The following CYP2S1 variants were observed in gnomAD, a reference collection of about 807,000 sequenced individuals.
CYP2S1 encodes cytochrome P450 2S1.
In CYP2S1, 32 loss-of-function variants were observed where a neutral mutation model predicts 43.5. The ratio of observed to expected loss-of-function variants is 0.74; its 90% CI spans 0.56 to 0.99. The LOEUF is 0.99. Ranked by LOEUF, CYP2S1 falls within the 50% of genes least tolerant of loss-of-function variation. The probability of loss-of-function intolerance (pLI) is 0.00; values close to 1 mark genes in which losing one functional copy is unlikely to be tolerated. For synonymous variants in CYP2S1, 283 were observed against 302.9 expected, an observed-to-expected ratio of 0.93 and a Z score of 0.68; for missense variants, 575 against 673.9, an observed-to-expected ratio of 0.85 and a Z score of 1.62.
At chr19:41,194,891 G>A (rs1208394473) in intron 2 of CYP2S1, among the ~76,000 whole-genome samples, 182 bp downstream of exon 2, 2 of 152,092 alleles carry the variant, frequency 1.3e-5, no homozygotes, top group African/African-American at 4.8e-5. Context: ...GGAGGTGGGT[G>A]GATCACTTGA....
rs187000776 is a variant in CYP2S1, at chr19:41,206,440, G to C, written c.1467G>C (p.Gln489His). 28 of 1,614,100 alleles carry C rather than the reference G, an allele frequency of 1.7e-5. No homozygotes were observed. In the Admixed American group the frequency reaches 4.3e-4, roughly 25 times the overall value. The change falls in exon 9 of 9, where the codon CAG (glutamine) becomes CAC (histidine). Residue 489 changes from glutamine (Q) to histidine (H), a missense_variant. Physicochemically the swap from Gln to His is conservative, Grantham distance 24. Transcript: ENST00000310054. Reference protein sequence around the residue: ...SGLFNIPPAFQLQVRPTDLHS... With the variant: ...SGLFNIPPAFHLQVRPTDLHS... ...TTTTCAACATTCCCCCAGCCTTCCA[G>C]CTGCAAGTCCGTCCCACTGACCTTC...
chr19:41,193,470 G>A (rs962846957), intron 1 of CYP2S1, 29 bp downstream of exon 1: 23 of 1,407,010 alleles, frequency 1.6e-5, no homozygotes, highest in Non-Finnish European at 2.0e-5. Flanking sequence ...GTCCTGGCTA[G>A]GGGTGGGAGG....
Position 41,193,382 on chromosome 19 carries a change from C to G in CYP2S1, c.118C>G (p.Pro40Ala). 1.3e-6 allele frequency: 2 copies of G among 1,531,936 alleles called. No homozygotes were observed. The highest frequency in any genetic ancestry group is 1.8e-6 in the Non-Finnish European group (2 of 1,138,012). The allele number at this position is 1,531,936 out of a possible 1,614,324, so 94.9% of individuals were successfully genotyped here. A position where few individuals can be genotyped will look rare whatever the true frequency, so the allele number is the denominator to read the frequency against. Reference protein sequence around the residue: ...GHLPPGPTPLPLLGNLLQLRP... With the variant: ...GHLPPGPTPLALLGNLLQLRP... ...CCTGCCCCCCGGGCCCACGCCGCTACCACTGCTGGGAAACCTCCTGCAGCT... is the reference window on the plus strand; with the variant it reads ...CCTGCCCCCCGGGCCCACGCCGCTAGCACTGCTGGGAAACCTCCTGCAGCT... Residue 40 changes from proline to alanine, a missense_variant, in exon 1 of 9, where the codon CCA (proline) becomes GCA (alanine). By Grantham distance (27) the Pro-to-Ala change is conservative (BLOSUM62 -1). Around this residue, in one of 2 missense-constraint regions of CYP2S1, gnomAD observed 353 missense variants for 367.6 expected, o/e 0.96. Coordinates refer to ENST00000310054, the MANE Select transcript of CYP2S1 (RefSeq NM_030622.8).
rs367701940 is a variant in CYP2S1 at position 41,206,429 on chromosome 19, C to T, written c.1456C>T (p.Pro486Ser). Residue 486 changes from proline to serine, a missense_variant, in exon 9 of 9, where the codon CCA (proline) becomes TCA (serine). Around this residue, in one of 2 missense-constraint regions of CYP2S1, gnomAD observed 222 missense variants for 306.3 expected, o/e 0.72. Transcript: ENST00000310054. The stretch of plus-strand genomic sequence containing the variant: ...CGTCAGTGGCCTTTTCAACATTCCC[C>T]CAGCCTTCCAGCTGCAAGTCCGTCC... ...PTVSGLFNIP[P>S]AFQLQVRPTD... 1.9e-6 allele frequency: 3 copies of T among 1,614,158 alleles called. No individual in the cohort carries two copies. Among genetic ancestry groups the T allele is most frequent in the Middle Eastern group, 1.6e-4 (1 of 6,062 alleles).
At chr19:41,204,329 T>C (rs2033533671) in intron 7 of CYP2S1, among the ~76,000 whole-genome samples, 1 of 152,186 alleles carries the variant, frequency 6.6e-6, no homozygotes, top group Non-Finnish European at 1.5e-5. Flanking sequence ...GTTTGAAAAC[T>C]GAGGAGCAAG....
At position 41,203,439 on chromosome 19, in the gene CYP2S1, C is replaced by G. The variant is rs778881197; in HGVS notation, c.977-11C>G. On this transcript the variant is annotated splice_polypyrimidine_tract_variant and intron_variant, in intron 6 of 8. Coordinates refer to ENST00000310054, the MANE Select transcript of CYP2S1 (RefSeq NM_030622.8). ...ACCCCCGTCTGACTCCTGCCCTCCT[C>G]TTGCTTGCAGAGTGGGTACGTGAGG... is the stretch of plus-strand genomic sequence containing the variant. 2 of 1,587,236 alleles carry G rather than the reference C, an allele frequency of 1.3e-6. No homozygotes were observed. Among genetic ancestry groups the G allele is most frequent in the East Asian group, 2.3e-5 (1 of 43,262 alleles).
intron 5 of CYP2S1, among the ~76,000 whole-genome samples, chr19:41,200,284 C>T (rs1182798914): frequency 1.3e-5 from 2 of 152,084 alleles, no homozygotes; most frequent in South Asian, 2.1e-4. Context: ...TACTGTTATG[C>T]AATCAGTCTC....
rs762417573 is a variant in CYP2S1 at position 41,197,775 on chromosome 19, G to A, written c.344-4G>A. ...TCCCTTTTTGAGTCTAGCCTTCTGC[G>A]CAGGGGTTTTCTTCTCCAACGGGGA... On this transcript the variant is annotated splice_region_variant and splice_polypyrimidine_tract_variant and intron_variant, in intron 2 of 8. Coordinates refer to ENST00000310054, the MANE Select transcript of CYP2S1 (RefSeq NM_030622.8). 6.8e-6 allele frequency: 11 copies of A among 1,613,802 alleles called. No individual in the cohort carries two copies. Among genetic ancestry groups the A allele is most frequent in the South Asian group, 1.1e-5 (1 of 91,080 alleles).
In CYP2S1 at chr19:41,205,956, A is replaced by G; in HGVS notation, c.1165-2A>G. The G allele has an allele frequency of 6.2e-7, 1 of 1,613,090 alleles. No homozygotes were observed. The highest frequency in any genetic ancestry group is 8.5e-7 in the Non-Finnish European group (1 of 1,179,506). ...TATAGTTTCATTATTATTTCCCCTC[A>G]GGGCACGGAGGTCTTCCCCCTCCTT... On this transcript the variant is annotated splice_acceptor_variant, in intron 7 of 8. Coordinates refer to ENST00000310054, the MANE Select transcript of CYP2S1 (RefSeq NM_030622.8). LOFTEE classifies it high-confidence loss of function.
rs751066695 is a variant in CYP2S1 at position 41,201,186 on chromosome 19, C to T, written c.835-45C>T. ...GCTTGGCTGTTCTGGACATTTACTT[C>T]CCAAAGGCTGTGTTCTCTCAGCCCC... On this transcript the variant is annotated intron_variant, in intron 5 of 8. Transcript: ENST00000310054. The T allele has an allele frequency of 1.7e-5, 28 of 1,602,718 alleles. No homozygotes were observed. In the South Asian group the frequency reaches 2.9e-4, roughly 17 times the overall value.
Position 41,198,109 on chromosome 19 carries a change from G to C in CYP2S1, c.493+181G>C, listed in dbSNP as rs961215867. ...TCTGTCTCTGTCCCACTGTCTCTCCGAGGCTGTCATGACATCTCTCTGTGT... is the reference window on the plus strand; with the variant it reads ...TCTGTCTCTGTCCCACTGTCTCTCCCAGGCTGTCATGACATCTCTCTGTGT... On this transcript the variant is annotated intron_variant, in intron 3 of 8. Coordinates refer to ENST00000310054, the MANE Select transcript of CYP2S1 (RefSeq NM_030622.8). This position sits in a 1 kb window ranked among gnomAD's most constrained non-coding sequence, Gnocchi z 4.9. Among the ~76,000 whole-genome samples the C allele has an allele frequency of 6.6e-6, 1 of 152,060 alleles. No individual in the cohort carries two copies. The highest frequency in any genetic ancestry group is 1.5e-5 in the Non-Finnish European group (1 of 68,004).
chr19:41,205,341 T>TC (rs71175691), intron 7 of CYP2S1, among the ~76,000 whole-genome samples: 10,204 of 84,552 alleles, frequency 0.12, 492 homozygotes, highest in South Asian at 0.18. Flanking sequence ...TTTCTTTCTT[T>TC]TTTTCTTTCT....
At chr19:41,194,804 C>T in intron 2 of CYP2S1, 95 bp downstream of exon 2, 1 of 1,496,192 alleles carries the variant, frequency 6.7e-7, no homozygotes, top group East Asian at 2.5e-5. Context: ...GTTGCCTCAT[C>T]TGTCAAATGG....
Position 41,207,281 on chromosome 19 carries a change from A to T in CYP2S1, c.*793A>T, listed in dbSNP as rs572616106. On this transcript the variant is annotated 3_prime_UTR_variant, in exon 9 of 9. Transcript: ENST00000310054. ...ATACGAGGACCCTCAGACCGGAGGA[A>T]CACCTGCCCAACCCCAACACGTGCT... is the stretch of plus-strand genomic sequence containing the variant. 53 of 206,028 alleles carry T rather than the reference A, an allele frequency of 2.6e-4. No homozygotes were observed. The highest frequency in any genetic ancestry group is 1.1e-3 in the African/African-American group (49 of 43,636). 12.8% of individuals were successfully genotyped at this position (206,028 alleles called of 1,614,324 possible). A position where few individuals can be genotyped will look rare whatever the true frequency, so the allele number is the denominator to read the frequency against.
At chr19:41,203,392 G>T (rs2033516017) in intron 6 of CYP2S1, 58 bp from the exon 7 acceptor site, 2 of 1,486,704 alleles carry the variant, frequency 1.3e-6, no homozygotes, top group African/African-American at 1.4e-5. Context: ...ATGGGCTTCT[G>T]AGAGGAGGAT....
At chr19:41,193,593 G>A in intron 1 of CYP2S1, 152 bp downstream of exon 1, 1 of 1,319,958 alleles carries the variant, frequency 7.6e-7, no homozygotes, top group Non-Finnish European at 9.6e-7. Flanking sequence ...TGGGGTTGGG[G>A]GCAGGAGCAG....
chr19:41,207,343 CCA>C lies in CYP2S1; in HGVS notation c.*864_*865del. 5.2e-6 allele frequency: 1 copy of C among 192,938 alleles called. No homozygotes were observed. Among genetic ancestry groups the C allele is most frequent in the Non-Finnish European group, 1.1e-5 (1 of 92,398 alleles). The allele number at this position is 192,938 out of a possible 1,614,324, so 12.0% of individuals were successfully genotyped here. On this transcript the variant is annotated 3_prime_UTR_variant, in exon 9 of 9. Coordinates refer to ENST00000310054, the MANE Select transcript of CYP2S1 (RefSeq NM_030622.8). ...GTGGAAAGCGGCCCCTGCTGCCCCT[CCA>C]CACACACATACACACTCACTGATCT...
chr19:41,205,382 C>CTTTCTTTCTTTCTT (rs781159687), intron 7 of CYP2S1, among the ~76,000 whole-genome samples: 186 of 72,216 alleles, frequency 2.6e-3, no homozygotes, highest in Middle Eastern at 0.012. Context: ...TTCTTTCTTT[C>CTTTCTTTCTTTCTT]TCTCTCTCTC....
Position 41,193,351 on chromosome 19 carries a change from A to C in CYP2S1, c.87A>C (p.Arg29=). The stretch of plus-strand genomic sequence containing the variant: ...TGGCGCTGTCCGGGACCAGGGCCCG[A>C]GGCCACCTGCCCCCCGGGCCCACGC... ...LTLALSGTRA[R]GHLPPGPTPL... Residue 29 remains arginine, a synonymous_variant, in exon 1 of 9, where the codon CGA becomes CGC. Coordinates refer to ENST00000310054, the MANE Select transcript of CYP2S1 (RefSeq NM_030622.8). The C allele has an allele frequency of 6.5e-6, 10 of 1,534,770 alleles. No individual in the cohort carries two copies. The highest frequency in any genetic ancestry group is 8.8e-6 in the Non-Finnish European group (10 of 1,140,632).
Sources: gnomAD v4.1 joint callset for allele counts (sites outside exome capture counted in the v4.1 genomes callset) on GRCh38, gnomAD v4.1.1 for gene constraint, gnomAD v4.1.1 regional missense constraint, Gnocchi (gnomAD v3.1) non-coding constraint, MANE v1.5 for transcripts, NCBI Gene and HGNC (gene_info 2026-07-23, HGNC 2026-07-21) for gene names.